LRP4: variants seen among roughly 807,000 people sequenced by gnomAD.
LRP4 encodes low-density lipoprotein receptor-related protein 4.
LRP4 carries 95 observed loss-of-function variants against 220.3 expected under a neutral mutation model. That is an observed-to-expected ratio of 0.43 (90% CI 0.37 to 0.51). The LOEUF (loss-of-function observed/expected upper bound fraction) is 0.51. LRP4 is among the 20% of genes least tolerant of loss of function. LRP4 has a pLI of 0.00. For synonymous variants in LRP4, 903 were observed against 954.6 expected (o/e 0.95, Z 1.00); for missense variants, 1,925 against 2,567.0 (o/e 0.75, Z 5.40).
chr11:46,900,215 C>T (rs762795800), intron 3 of LRP4, 47 bp downstream of exon 3: 1 of 1,405,952 alleles, frequency 7.1e-7, no homozygotes, highest in Non-Finnish European at 1.0e-6. Flanking sequence ...AAAATCCTTT[C>T]CCAGTGGAAC....
chr11:46,914,120 G>C (rs1941911886), intron 1 of LRP4, among the ~76,000 whole-genome samples: 1 of 151,972 alleles, frequency 6.6e-6, no homozygotes. Context: ...CAAGCTCTGT[G>C]CTGCATAGTT....
At chr11:46,891,684 T>C (rs1941428105) in intron 13 of LRP4, among the ~76,000 whole-genome samples, 1 of 152,176 alleles carries the variant, frequency 6.6e-6, no homozygotes, top group South Asian at 2.1e-4. Context: ...GCCATAATCA[T>C]GGCTCACTGC....
intron 20 of LRP4, 24 bp downstream of exon 20, chr11:46,881,678 C>G (rs780863947): frequency 6.2e-7 from 1 of 1,603,980 alleles, no homozygotes; most frequent in South Asian, 1.1e-5. Context: ...GCCACCCTTA[C>G]CTTCCTCTTA....
intron 1 of LRP4, among the ~76,000 whole-genome samples, chr11:46,911,492 GTC>G (rs571977973): frequency 6.0e-5 from 9 of 150,954 alleles, no homozygotes; most frequent in Non-Finnish European, 1.2e-4. Context: ...ACCTTTTAAA[GTC>G]TCTCTCTTCT....
rs775612880 is a variant in LRP4, at chr11:46,890,175, G to A, written c.1916-55C>T. Reference sequence around the variant, plus strand: ...GGACGTGGTCTGCCATGTCCCCTGGGCCCAGGCCTGGCAACTACACAAAAC... The same window carrying A: ...GGACGTGGTCTGCCATGTCCCCTGGACCCAGGCCTGGCAACTACACAAAAC... On this transcript the variant is annotated intron_variant, in intron 14 of 37. Coordinates refer to ENST00000378623, the MANE Select transcript of LRP4 (RefSeq NM_002334.4). This position sits in a 1 kb window ranked among gnomAD's most constrained non-coding sequence, Gnocchi z 5.3. The A allele has an allele frequency of 7.6e-5, 122 of 1,607,384 alleles. No individual in the cohort carries two copies. Among genetic ancestry groups the A allele is most frequent in the Non-Finnish European group, 9.5e-5 (112 of 1,174,324 alleles).
chr11:46,868,101 T>C lies in LRP4; in HGVS notation c.4965A>G (p.Val1655=). The C allele has an allele frequency of 6.2e-7, 1 of 1,614,080 alleles. No individual in the cohort carries two copies. Among genetic ancestry groups the C allele is most frequent in the Non-Finnish European group, 8.5e-7 (1 of 1,180,036 alleles). ...TGCCAGTAGCCCTAGGAGCTGGTGG[T>C]ACCAGGCCAGGCACTAGACAAAAAA... ...SRPCSLVPGL[V]PPAPRATGMS... Residue 1655 remains valine, a synonymous_variant, in exon 34 of 38, where the codon GTA becomes GTG. Coordinates refer to ENST00000378623, the MANE Select transcript of LRP4 (RefSeq NM_002334.4).
At chr11:46,916,950 G>A (rs1941955236) in intron 1 of LRP4, among the ~76,000 whole-genome samples, 1 of 152,358 alleles carries the variant, frequency 6.6e-6, no homozygotes, top group Admixed American at 6.5e-5. Context: ...CCGGGGAGGG[G>A]AGAGCGCAGA....
intron 34 of LRP4, 39 bp downstream of exon 34, chr11:46,867,940 G>T (rs1430764458): frequency 6.2e-7 from 1 of 1,613,698 alleles, no homozygotes; most frequent in South Asian, 1.1e-5. Context: ...ATGGTGATTT[G>T]AATCAAAGGG....
intron 1 of LRP4, among the ~76,000 whole-genome samples, chr11:46,909,731 TTGAATGAATGAA>T (rs369210630): frequency 1.3e-5 from 2 of 150,224 alleles, no homozygotes; most frequent in East Asian, 2.0e-4. Flanking sequence ...TACAAGTTCG[TTGAATGAATGAA>T]TGAATGAATG....
intron 1 of LRP4, among the ~76,000 whole-genome samples, chr11:46,915,884 T>A (rs957750253): frequency 1.3e-5 from 2 of 152,176 alleles, no homozygotes; most frequent in African/African-American, 4.8e-5. Context: ...ACTACATTTA[T>A]CACAACTGCT....
chr11:46,895,334 C>T lies in LRP4; in HGVS notation c.1184-43G>A, dbSNP rs768539760. The T allele has an allele frequency of 1.9e-6, 3 of 1,606,304 alleles. No homozygotes were observed. The South Asian group carries it at 3.3e-5, about 18-fold the overall frequency. ...GTCAAGAGATCTCCCTTCTGTCGTC[C>T]TCCCACTCCCGCTCCCAGGCTGCCG... On this transcript the variant is annotated intron_variant, in intron 10 of 37. Transcript: ENST00000378623.
intron 11 of LRP4, 86 bp from the exon 12 acceptor site, chr11:46,894,905 A>C: frequency 8.2e-7 from 1 of 1,213,232 alleles, no homozygotes; most frequent in African/African-American, 1.5e-5. Flanking sequence ...TGACCGATGG[A>C]GCCACTTGCT....
chr11:46,899,153 C>A lies in LRP4; in HGVS notation c.548-121G>T. On this transcript the variant is annotated intron_variant, in intron 5 of 37. Coordinates refer to ENST00000378623, the MANE Select transcript of LRP4 (RefSeq NM_002334.4). This position sits in a 1 kb window ranked among gnomAD's most constrained non-coding sequence, Gnocchi z 5.9. ...AGAGCTTCTTCAAGTGAGATGTAAC[C>A]AGGTTTCATCTGGGACAGCCCTTAT... The A allele has an allele frequency of 9.7e-7, 1 of 1,028,782 alleles. No individual in the cohort carries two copies. Among genetic ancestry groups the A allele is most frequent in the Non-Finnish European group, 1.5e-6 (1 of 686,094 alleles). 63.7% of individuals were successfully genotyped at this position (1,028,782 alleles called of 1,614,324 possible). A position where few individuals can be genotyped will look rare whatever the true frequency, so the allele number is the denominator to read the frequency against.
chr11:46,886,265 G>C (rs1025039019), intron 17 of LRP4, 60 bp downstream of exon 17: 2 of 1,602,534 alleles, frequency 1.2e-6, no homozygotes, highest in East Asian at 4.5e-5. Flanking sequence ...CAAAGGTATG[G>C]GAAGCCCTTC....
In LRP4 at chr11:46,875,919, G is replaced by C; in HGVS notation, c.3584C>G (p.Ser1195Cys). The C allele has an allele frequency of 6.2e-7, 1 of 1,614,060 alleles. No homozygotes were observed. Among genetic ancestry groups the C allele is most frequent in the South Asian group, 1.1e-5 (1 of 91,074 alleles). The change falls in exon 26 of 38, where the codon TCC becomes TGC. Residue 1195 changes from serine to cysteine, a missense_variant. Physicochemically the swap from Ser to Cys is moderately radical, Grantham distance 112. Coordinates refer to ENST00000378623, the MANE Select transcript of LRP4 (RefSeq NM_002334.4). This position sits in a 1 kb window ranked among gnomAD's most constrained non-coding sequence, Gnocchi z 4.5. ...DWGENAKLER[S>C]GMDGSDRAVL... ...CGCGCGGTCTGAGCCATCCATTCCG[G>C]ACCGCTCTAACTTGGCATTCTCCCC...
chr11:46,896,940 C>A lies in LRP4; in HGVS notation c.851G>T (p.Arg284Leu), dbSNP rs369307795. ...QFRCHSGRCV[R>L]LSWRCDGEDD... ...CTCCCCATCACAGCGCCAGGACAGG[C>A]GGACACAGCGGCCTGAGTGACAGCG... The change falls in exon 8 of 38, where the codon CGC becomes CTC. Residue 284 changes from arginine (R) to leucine (L), a missense_variant. Physicochemically the swap from Arg to Leu is moderately radical, Grantham distance 102 (BLOSUM62 -2). Around this residue, in one of 3 missense-constraint regions of LRP4, gnomAD observed 412 missense variants for 505.4 expected, o/e 0.82. Coordinates refer to ENST00000378623, the MANE Select transcript of LRP4 (RefSeq NM_002334.4). 1 of 1,614,204 alleles carries A rather than the reference C, an allele frequency of 6.2e-7. No homozygotes were observed. The highest frequency in any genetic ancestry group is 2.2e-5 in the East Asian group (1 of 44,886).
At chr11:46,874,472 A>G in intron 28 of LRP4, 1 of 303,010 alleles carries the variant, frequency 3.3e-6, no homozygotes, top group Non-Finnish European at 6.2e-6. Flanking sequence ...TACTGGTTAT[A>G]TGGCCTACTC....
chr11:46,868,720 G>A lies in LRP4; in HGVS notation c.4838-7C>T, dbSNP rs770524914. On this transcript the variant is annotated splice_polypyrimidine_tract_variant and splice_region_variant and intron_variant, in intron 32 of 37. Transcript: ENST00000378623. ...ACACCACAGGCATTGGTCCCTGGAG[G>A]CAAAGTAGATGAATGTCTTATCTGG... 2 of 1,591,802 alleles carry A rather than the reference G, an allele frequency of 1.3e-6. No individual in the cohort carries two copies. Among genetic ancestry groups the A allele is most frequent in the Non-Finnish European group, 8.6e-7 (1 of 1,159,646 alleles).
rs369908877 is a variant in LRP4, at chr11:46,894,730, G to A, written c.1399C>T (p.Leu467=). 1.2e-6 allele frequency: 2 copies of A among 1,614,118 alleles called. No homozygotes were observed. Among genetic ancestry groups the A allele is most frequent in the Non-Finnish European group, 1.7e-6 (2 of 1,180,058 alleles). ...AAATCAAGGGCAATGGCATTCTCCA[G>A]GTTGTTAAGCAGCAGTGTGTACTCA... The part of the protein sequence containing the change: ...RSEYTLLLNN[L]ENAIALDFHH... The change falls in exon 12 of 38, where the codon CTG becomes TTG. Residue 467 remains leucine, a synonymous_variant. Transcript: ENST00000378623.
Sources: gnomAD v4.1 joint callset for allele counts (sites outside exome capture counted in the v4.1 genomes callset) on GRCh38, gnomAD v4.1.1 for gene constraint, gnomAD v4.1.1 regional missense constraint, Gnocchi (gnomAD v3.1) non-coding constraint, MANE v1.5 for transcripts, NCBI Gene and HGNC (gene_info 2026-07-23, HGNC 2026-07-21) for gene names.